The following SGCZ variants were observed in gnomAD, a reference collection of about 807,000 sequenced individuals.
SGCZ encodes the protein sarcoglycan zeta, also known as zeta-sarcoglycan.
SGCZ carries 40 observed loss-of-function variants against 41.3 expected under a neutral mutation model. That is an observed-to-expected ratio of 0.97 (90% CI 0.75 to 1.26). SGCZ has a LOEUF of 1.26. Ranked by LOEUF, SGCZ falls within the 50% of genes most tolerant of loss-of-function variation. The pLI is 0.00. For synonymous variants in SGCZ, 206 were observed against 137.5 expected, an observed-to-expected ratio of 1.50 and a Z score of -3.49; for missense variants, 552 against 369.8, an observed-to-expected ratio of 1.49 and a Z score of -4.04.
chr8:14,801,686 G>C (rs530177083), intron 1 of SGCZ, among the ~76,000 whole-genome samples: 1 of 152,256 alleles, frequency 6.6e-6, no homozygotes, highest in East Asian at 1.9e-4. Flanking sequence ...ATCAGGCAGA[G>C]ACTAAAGGAT....
chr8:14,971,810 G>A (rs139167970), intron 1 of SGCZ, among the ~76,000 whole-genome samples: 19 of 151,726 alleles, frequency 1.3e-4, no homozygotes, highest in African/African-American at 3.9e-4. Flanking sequence ...CCACAATGCC[G>A]AGATAATCTT....
chr8:14,254,746 G>A (rs184724610), intron 3 of SGCZ, among the ~76,000 whole-genome samples: 2,716 of 142,222 alleles, frequency 0.019, 77 homozygotes, highest in African/African-American at 0.063. Flanking sequence ...ACATCGTGTC[G>A]TCTTTTTTTT....
intron 2 of SGCZ, among the ~76,000 whole-genome samples, chr8:14,447,476 T>G (rs1003822646): frequency 6.6e-6 from 1 of 152,158 alleles, no homozygotes; most frequent in Non-Finnish European, 1.5e-5. Flanking sequence ...ATTAAATCAC[T>G]AATAATGAAA....
chr8:14,700,649 A>G (rs1204836401), intron 1 of SGCZ, among the ~76,000 whole-genome samples: 3 of 151,996 alleles, frequency 2.0e-5, no homozygotes, highest in Non-Finnish European at 4.4e-5. Context: ...ATTTAATACT[A>G]TATTCATATA....
intron 3 of SGCZ, among the ~76,000 whole-genome samples, chr8:14,287,157 A>T (rs1041601024): frequency 1.3e-5 from 2 of 151,626 alleles, no homozygotes; most frequent in African/African-American, 2.4e-5. Flanking sequence ...AGCATATTAA[A>T]TTTTTGGTTG....
At chr8:14,489,640 G>C (rs768573123) in intron 2 of SGCZ, among the ~76,000 whole-genome samples, 25 of 151,802 alleles carry the variant, frequency 1.6e-4, no homozygotes, top group Non-Finnish European at 2.4e-4. Context: ...TTGCCAACTA[G>C]AAAAAAGACT....
At chr8:14,975,193 C>A (rs1178880251) in intron 1 of SGCZ, among the ~76,000 whole-genome samples, 1 of 152,120 alleles carries the variant, frequency 6.6e-6, no homozygotes, top group Non-Finnish European at 1.5e-5. Context: ...GTAGCCCCAG[C>A]TACTTGGGAG....
At chr8:15,029,720 T>C (rs1469203774) in intron 1 of SGCZ, among the ~76,000 whole-genome samples, 1 of 152,162 alleles carries the variant, frequency 6.6e-6, no homozygotes, top group African/African-American at 2.4e-5. Flanking sequence ...TTTGTTTCTC[T>C]ACAAGTTTAT....
chr8:14,122,371 A>G (rs1219084970), intron 5 of SGCZ, among the ~76,000 whole-genome samples: 1 of 152,198 alleles, frequency 6.6e-6, no homozygotes, highest in Non-Finnish European at 1.5e-5. Flanking sequence ...GCAAAATAAC[A>G]AAAACATTCT....
intron 7 of SGCZ, among the ~76,000 whole-genome samples, chr8:14,097,353 C>T (rs1262527708): frequency 1.3e-5 from 2 of 152,150 alleles, no homozygotes; most frequent in Non-Finnish European, 2.9e-5. Flanking sequence ...TCGTGATTTA[C>T]CCAGTAGTCA....
chr8:15,187,517 A>T (rs13252931), intron 1 of SGCZ, among the ~76,000 whole-genome samples: 1 of 151,868 alleles, frequency 6.6e-6, no homozygotes, highest in Admixed American at 6.6e-5. Context: ...AGTAAAGTTT[A>T]TCTCTTTTAC....
chr8:14,475,277 G>A (rs73525364), intron 2 of SGCZ, among the ~76,000 whole-genome samples: 2,593 of 152,092 alleles, frequency 0.017, 87 homozygotes, highest in African/African-American at 0.06. Flanking sequence ...TCTAGAAGTG[G>A]TATGTTTTCC....
At chr8:14,810,423 A>AT (rs771789887) in intron 1 of SGCZ, among the ~76,000 whole-genome samples, 3 of 151,936 alleles carry the variant, frequency 2.0e-5, no homozygotes, top group Non-Finnish European at 2.9e-5. Context: ...TGCTTTGCTG[A>AT]TTTTTTTAAC....
intron 1 of SGCZ, among the ~76,000 whole-genome samples, chr8:14,838,381 A>G (rs1199719459): frequency 2.0e-5 from 3 of 152,070 alleles, no homozygotes; most frequent in African/African-American, 7.2e-5. Flanking sequence ...ATAGCAGAAG[A>G]CTCACCTTAG....
intron 3 of SGCZ, among the ~76,000 whole-genome samples, chr8:14,246,509 A>G (rs544552123): frequency 1.3e-5 from 2 of 152,030 alleles, no homozygotes; most frequent in East Asian, 3.9e-4. Context: ...TGACGAGTTA[A>G]TGGGTGCAGC....
chr8:14,086,093 A>G lies in SGCZ; in HGVS notation c.*4350T>C, dbSNP rs930308352. Among the ~76,000 whole-genome samples, 10 of 151,746 alleles carry G rather than the reference A, an allele frequency of 6.6e-5. No individual in the cohort carries two copies. Among genetic ancestry groups the G allele is most frequent in the African/African-American group, 2.4e-4 (10 of 41,422 alleles). ...ATTACTGTAATATACACCAGTACAT[A>G]GAGCAAATAATTTCTCCATATGTCA... On this transcript the variant is annotated 3_prime_UTR_variant, in exon 8 of 8. Coordinates refer to ENST00000382080, the MANE Select transcript of SGCZ (RefSeq NM_139167.4).
chr8:15,025,966 A>G (rs1267809384), intron 1 of SGCZ, among the ~76,000 whole-genome samples: 1 of 152,176 alleles, frequency 6.6e-6, no homozygotes. Context: ...AAAATATTAC[A>G]TATATCATAG....
intron 1 of SGCZ, among the ~76,000 whole-genome samples, chr8:14,575,926 A>AAAAAAAAAAAG: frequency 6.6e-6 from 1 of 151,048 alleles, no homozygotes; most frequent in Non-Finnish European, 1.5e-5. Context: ...AAAAAAAAAA[A>AAAAAAAAAAAG]AAAAAAAAAG....
chr8:15,175,760 A>T lies in SGCZ; in HGVS notation c.39+61825T>A, dbSNP rs547163296. 2.0e-5 allele frequency among the ~76,000 whole-genome samples: 3 copies of T among 152,314 alleles called. No homozygotes were observed. The South Asian group carries it at 6.2e-4, about 32-fold the overall frequency. On this transcript the variant is annotated intron_variant, in intron 1 of 7. Coordinates refer to ENST00000382080, the MANE Select transcript of SGCZ (RefSeq NM_139167.4). ...AAAAAAATTTAGATGCAACTTCAAG[A>T]TATAGATAGTCAATTAAATAAAGGT...
Sources: allele counts gnomAD v4.1 joint callset (sites outside exome capture counted in the v4.1 genomes callset), GRCh38; gene constraint gnomAD v4.1.1; transcripts MANE v1.5; gene names NCBI Gene and HGNC (gene_info 2026-07-23, HGNC 2026-07-21).